Variants in GABRB2 observed in about 807,000 individuals in gnomAD.
GABRB2 encodes gamma-aminobutyric acid receptor subunit beta-2.
GABRB2 carries 16 observed loss-of-function variants against 54.7 expected under a neutral mutation model. The observed-to-expected ratio is 0.29, with a 90% CI of 0.20 to 0.44. The LOEUF (loss-of-function observed/expected upper bound fraction) is 0.44, where lower values mean the gene tolerates loss of function less well. Among genes scored for constraint, GABRB2 ranks in the 20% least tolerant of loss-of-function variants. GABRB2 has a pLI of 1.00. For missense variants in GABRB2, 355 were observed against 644.0 expected, an observed-to-expected ratio of 0.55 and a Z score of 4.86; for synonymous variants, 244 against 233.8, an observed-to-expected ratio of 1.04 and a Z score of -0.40.
chr5:161,334,718 G>A (rs1753942358), intron 7 of GABRB2, 34 bp downstream of exon 7: 2 of 1,609,098 alleles, frequency 1.2e-6, no homozygotes, highest in Non-Finnish European at 1.7e-6. Flanking sequence ...TACACACAGA[G>A]TCAAAATCCA....
chr5:161,505,090 TCTTTTCTTTTTTC>T (rs1021557965), intron 3 of GABRB2, among the ~76,000 whole-genome samples: 3 of 151,566 alleles, frequency 2.0e-5, no homozygotes, highest in South Asian at 2.1e-4. Context: ...CATTCTGAAG[TCTTTTCTTTTTTC>T]CTTTTCTTTT....
Position 161,546,645 on chromosome 5 carries a change from C to A in GABRB2, c.-2G>T. The A allele has an allele frequency of 6.3e-7, 1 of 1,590,174 alleles. No individual in the cohort carries two copies. The highest frequency in any genetic ancestry group is 8.6e-7 in the Non-Finnish European group (1 of 1,167,148). On this transcript the variant is annotated 5_prime_UTR_variant, in exon 1 of 10. Transcript: ENST00000393959. ...GCCCCTTTTCCGCACTCTCCACATC[C>A]CTTTAGTTTTTGATGGAATTGAGGG...
At chr5:161,302,265 T>C (rs978749515) in intron 9 of GABRB2, among the ~76,000 whole-genome samples, 1 of 152,236 alleles carries the variant, frequency 6.6e-6, no homozygotes, top group Non-Finnish European at 1.5e-5. Flanking sequence ...ACATTTTTCA[T>C]GACAAGAAAA....
intron 3 of GABRB2, among the ~76,000 whole-genome samples, chr5:161,515,719 C>T (rs17522604): frequency 0.19 from 28,441 of 152,102 alleles, 3,402 homozygotes; most frequent in Non-Finnish European, 0.27. Flanking sequence ...TAAATTGCTA[C>T]TCCATGGCTG....
chr5:161,330,931 C>A lies in GABRB2; in HGVS notation c.1029G>T (p.Glu343Asp). Residue 343 changes from glutamate to aspartate, a missense_variant, in exon 8 of 10, where the codon GAG becomes GAT. Glu to Asp is a conservative substitution (Grantham distance 45). Around this residue, in one of 6 missense-constraint regions of GABRB2, gnomAD observed 201 missense variants for 228.1 expected, o/e 0.88. Transcript: ENST00000393959. ...TCTCATTGTTGGCACTGGCAGCCTT[C>A]TCAGCTGCTTTCTTTTGGCGTTGGG... is the stretch of plus-strand genomic sequence containing the variant. Reference protein sequence around the residue: ...RGPQRQKKAAEKAASANNEKM... With the variant: ...RGPQRQKKAADKAASANNEKM... 6.2e-7 allele frequency: 1 copy of A among 1,614,218 alleles called. No homozygotes were observed. The highest frequency in any genetic ancestry group is 8.5e-7 in the Non-Finnish European group (1 of 1,180,040).
intron 3 of GABRB2, among the ~76,000 whole-genome samples, chr5:161,538,082 C>G (rs1015411397): frequency 2.0e-5 from 3 of 152,076 alleles, no homozygotes; most frequent in Admixed American, 1.3e-4. Context: ...GTGATTCTTT[C>G]TACACTTGTT....
chr5:161,423,355 G>A (rs1756905747), intron 4 of GABRB2, among the ~76,000 whole-genome samples: 1 of 152,090 alleles, frequency 6.6e-6, no homozygotes, highest in African/African-American at 2.4e-5. Context: ...CAGACATTGT[G>A]TTCTTTACAA....
At position 161,289,338 on chromosome 5, in the gene GABRB2, T is replaced by C. The variant is rs1757174130; in HGVS notation, c.*4743A>G. On this transcript the variant is annotated 3_prime_UTR_variant, in exon 10 of 10. Transcript: ENST00000393959. ...ATGTTCCTAGTGCATTTGGAAAATA[T>C]TTTTTTAAACCTTTGGTGTGAAGCA... 1 of 150,346 alleles carries C rather than the reference T, an allele frequency of 6.7e-6. No homozygotes were observed. The highest frequency in any genetic ancestry group is 1.5e-5 in the Non-Finnish European group (1 of 67,708). 9.3% of individuals were successfully genotyped at this position (150,346 alleles called of 1,614,324 possible). A position where few individuals can be genotyped will look rare whatever the true frequency, so the allele number is the denominator to read the frequency against.
intron 5 of GABRB2, among the ~76,000 whole-genome samples, chr5:161,369,392 T>C (rs1755066340): frequency 6.6e-6 from 1 of 152,202 alleles, no homozygotes. Context: ...GATAGGCATA[T>C]AGTGCAGATT....
chr5:161,297,560 G>T (rs1442042168), intron 9 of GABRB2, among the ~76,000 whole-genome samples: 1 of 152,058 alleles, frequency 6.6e-6, no homozygotes, highest in African/African-American at 2.4e-5. Flanking sequence ...ATCTTAATTT[G>T]CTGAGAATGA....
intron 9 of GABRB2, among the ~76,000 whole-genome samples, chr5:161,312,539 C>CA (rs1358089138): frequency 6.6e-6 from 1 of 152,026 alleles, no homozygotes; most frequent in Non-Finnish European, 1.5e-5. Flanking sequence ...CAAAACAAAA[C>CA]AAAAAATACC....
chr5:161,481,224 T>C (rs1758753010), intron 3 of GABRB2, among the ~76,000 whole-genome samples: 2 of 152,022 alleles, frequency 1.3e-5, no homozygotes, highest in African/African-American at 2.4e-5. Flanking sequence ...GGAATCCATA[T>C]TAGATGTGGC....
intron 5 of GABRB2, among the ~76,000 whole-genome samples, chr5:161,393,416 G>C (rs189270729): frequency 2.9e-4 from 41 of 143,076 alleles, no homozygotes; most frequent in African/African-American, 1.1e-3. Context: ...ATGACTCATA[G>C]TTTGCCAACT....
chr5:161,298,220 T>G (rs1268484452), intron 9 of GABRB2, among the ~76,000 whole-genome samples: 1 of 152,244 alleles, frequency 6.6e-6, no homozygotes, highest in Non-Finnish European at 1.5e-5. Context: ...TCTCCCATTC[T>G]GTAGGTTGCC....
chr5:161,362,183 G>A (rs1002760399), intron 5 of GABRB2, among the ~76,000 whole-genome samples: 60 of 152,266 alleles, frequency 3.9e-4, no homozygotes, highest in African/African-American at 1.4e-3. Flanking sequence ...CTGTAGCCAT[G>A]TAGCATAATT....
chr5:161,337,738 T>G (rs983339481), intron 5 of GABRB2, among the ~76,000 whole-genome samples: 1 of 152,044 alleles, frequency 6.6e-6, no homozygotes, highest in Non-Finnish European at 1.5e-5. Context: ...CAGGGAAGTA[T>G]GCCATAAAAT....
chr5:161,330,757 G>C, intron 8 of GABRB2, 126 bp downstream of exon 8: 3 of 1,316,848 alleles, frequency 2.3e-6, no homozygotes, highest in Non-Finnish European at 3.1e-6. Flanking sequence ...TGTGTGCTTT[G>C]GGGAAAATTA....
intron 3 of GABRB2, among the ~76,000 whole-genome samples, chr5:161,524,477 G>A (rs527446870): frequency 6.6e-6 from 1 of 151,776 alleles, no homozygotes; most frequent in East Asian, 1.9e-4. Context: ...ACCTGAGCAG[G>A]AGCACCAGAT....
chr5:161,365,988 C>CCTAAGTAAGTAT (rs1296270664), intron 5 of GABRB2, among the ~76,000 whole-genome samples: 2 of 151,340 alleles, frequency 1.3e-5, no homozygotes, highest in African/African-American at 4.9e-5. Context: ...GAGCCTTTCA[C>CCTAAGTAAGTAT]CTGCACCTGG....
Sources: allele counts gnomAD v4.1 joint callset (sites outside exome capture counted in the v4.1 genomes callset), GRCh38; gene constraint gnomAD v4.1.1; regional missense constraint gnomAD v4.1.1; transcripts MANE v1.5; gene names NCBI Gene and HGNC (gene_info 2026-07-23, HGNC 2026-07-21).